The following AK5 variants were observed in gnomAD, a reference collection of about 807,000 sequenced individuals.
The protein encoded by AK5 is adenylate kinase 5.
In AK5, 27 loss-of-function variants were observed where a neutral mutation model predicts 69.5. The ratio of observed to expected loss-of-function variants is 0.39; its 90% CI spans 0.29 to 0.54. The LOEUF (loss-of-function observed/expected upper bound fraction) is 0.54, where lower values mean the gene tolerates loss of function less well. Among genes scored for constraint, AK5 ranks in the 20% least tolerant of loss-of-function variants. AK5 has a pLI of 0.71. For synonymous variants in AK5, 260 were observed against 244.4 expected (o/e 1.06, Z -0.60); for missense variants, 531 against 700.4 (o/e 0.76, Z 2.73).
At chr1:77,486,588 C>T (rs1217628401) in intron 10 of AK5, among the ~76,000 whole-genome samples, 1 of 151,678 alleles carries the variant, frequency 6.6e-6, no homozygotes, top group Non-Finnish European at 1.5e-5. Flanking sequence ...GTCCCAGCTA[C>T]TCGGGAGGCT....
chr1:77,428,456 C>A (rs1004018103), intron 8 of AK5, among the ~76,000 whole-genome samples: 1 of 152,124 alleles, frequency 6.6e-6, no homozygotes, highest in Non-Finnish European at 1.5e-5. Flanking sequence ...GGATGAAAAA[C>A]CAAAACCAAA....
At chr1:77,421,593 C>T (rs533361483) in intron 8 of AK5, among the ~76,000 whole-genome samples, 1 of 152,324 alleles carries the variant, frequency 6.6e-6, no homozygotes, top group East Asian at 1.9e-4. Flanking sequence ...ACCCTAGTCA[C>T]TGGCTCTACC....
chr1:77,436,166 T>G (rs899167511), intron 8 of AK5, among the ~76,000 whole-genome samples: 1 of 152,176 alleles, frequency 6.6e-6, no homozygotes, highest in Admixed American at 6.5e-5. Flanking sequence ...GGTTCCTTTC[T>G]GTCTTGTTTC....
At chr1:77,342,632 A>G (rs1661715092) in intron 6 of AK5, among the ~76,000 whole-genome samples, 1 of 152,166 alleles carries the variant, frequency 6.6e-6, no homozygotes, top group South Asian at 2.1e-4. Flanking sequence ...AAATTTGACA[A>G]AGAAGCAAAA....
intron 6 of AK5, among the ~76,000 whole-genome samples, chr1:77,358,559 A>G (rs1417370490): frequency 1.3e-5 from 2 of 152,192 alleles, no homozygotes; most frequent in African/African-American, 4.8e-5. Flanking sequence ...GAGTTTACAG[A>G]ATGATCCCAG....
At chr1:77,533,509 C>CAAAAAAAAAAAAAAA (rs10526328) in intron 12 of AK5, among the ~76,000 whole-genome samples, 12 of 94,940 alleles carry the variant, frequency 1.3e-4, no homozygotes, top group African/African-American at 5.5e-4. Flanking sequence ...ACTCTGTCAC[C>CAAAAAAAAAAAAAAA]AAAAAAAAAA....
chr1:77,346,509 T>C (rs1473483981), intron 6 of AK5, among the ~76,000 whole-genome samples: 1 of 152,206 alleles, frequency 6.6e-6, no homozygotes. Context: ...AAGAATTTTT[T>C]TGTGGGGGAT....
intron 3 of AK5, among the ~76,000 whole-genome samples, chr1:77,296,571 T>A (rs1303045199): frequency 6.6e-6 from 1 of 152,118 alleles, no homozygotes. Context: ...GAGTGTATAA[T>A]CTCTTAGTTT....
At chr1:77,372,224 G>A (rs1252943961) in intron 6 of AK5, among the ~76,000 whole-genome samples, 2 of 151,862 alleles carry the variant, frequency 1.3e-5, no homozygotes, top group Non-Finnish European at 2.9e-5. Context: ...TTTTAGAAAA[G>A]TGCTTAATGA....
At chr1:77,455,325 G>A (rs992840021) in intron 8 of AK5, among the ~76,000 whole-genome samples, 1 of 152,164 alleles carries the variant, frequency 6.6e-6, no homozygotes, top group East Asian at 1.9e-4. Flanking sequence ...CGTGAGGGCA[G>A]AGCCATCATG....
At chr1:77,486,416 C>A in intron 10 of AK5, 64 bp downstream of exon 10, 2 of 1,290,896 alleles carry the variant, frequency 1.5e-6, no homozygotes, top group East Asian at 2.4e-5. Context: ...TGGTAGTGGG[C>A]CAGGTGCGGT....
intron 8 of AK5, among the ~76,000 whole-genome samples, chr1:77,455,540 C>CA: frequency 6.6e-6 from 1 of 152,152 alleles, no homozygotes; most frequent in Admixed American, 6.5e-5. Flanking sequence ...CATCTATGAA[C>CA]AAAAAAACAG....
chr1:77,486,474 T>C, intron 10 of AK5, 122 bp downstream of exon 10: 3 of 588,700 alleles, frequency 5.1e-6, no homozygotes, highest in East Asian at 3.5e-5. Flanking sequence ...GGCGGGCAGA[T>C]CACGAGGTCA....
At chr1:77,455,629 A>G (rs1302276068) in intron 8 of AK5, among the ~76,000 whole-genome samples, 2 of 152,116 alleles carry the variant, frequency 1.3e-5, no homozygotes, top group South Asian at 2.1e-4. Flanking sequence ...ATAAATTTCC[A>G]TTGCTTGTAA....
intron 8 of AK5, among the ~76,000 whole-genome samples, chr1:77,431,063 T>C (rs1651605138): frequency 6.6e-6 from 1 of 152,030 alleles, no homozygotes; most frequent in African/African-American, 2.4e-5. Flanking sequence ...GGAACATTGA[T>C]AGGATAGGAG....
rs1241357491 is a variant in AK5, at chr1:77,287,058, G to A, written c.178G>A (p.Val60Ile). ...TGACAAGGTGAAATGGGATACATTT[G>A]TAAGCCAGGAAAAGAAGACCTTACC... Reference protein sequence around the residue: ...GCDKVKWDTFVSQEKKTLPPL... With the variant: ...GCDKVKWDTFISQEKKTLPPL... Residue 60 changes from valine to isoleucine, a missense_variant, in exon 2 of 14, where the codon GTA becomes ATA. Transcript: ENST00000354567. 6.2e-7 allele frequency: 1 copy of A among 1,609,802 alleles called. No individual in the cohort carries two copies. The highest frequency in any genetic ancestry group is 1.1e-5 in the South Asian group (1 of 90,254).
chr1:77,523,660 CTACT>C (rs1183629331), intron 12 of AK5, among the ~76,000 whole-genome samples: 5 of 151,992 alleles, frequency 3.3e-5, no homozygotes, highest in African/African-American at 4.8e-5. Flanking sequence ...GAAACTCTAC[CTACT>C]ATTTATTTTA....
intron 10 of AK5, among the ~76,000 whole-genome samples, chr1:77,501,494 C>A (rs1353973139): frequency 6.6e-6 from 1 of 152,158 alleles, no homozygotes; most frequent in African/African-American, 2.4e-5. Flanking sequence ...GCCTATTGCT[C>A]CCAGGCTGCA....
chr1:77,340,645 G>A, intron 6 of AK5, 77 bp downstream of exon 6: 2 of 1,390,792 alleles, frequency 1.4e-6, no homozygotes, highest in Middle Eastern at 4.4e-4. Flanking sequence ...TTCTCATGTA[G>A]AAATCCTCTT....
Sources: allele counts gnomAD v4.1 joint callset (sites outside exome capture counted in the v4.1 genomes callset), GRCh38; gene constraint gnomAD v4.1.1; transcripts MANE v1.5; gene names NCBI Gene and HGNC (gene_info 2026-07-23, HGNC 2026-07-21).